NCKAP1: variants seen among roughly 807,000 people sequenced by gnomAD.
NCKAP1 encodes nck-associated protein 1.
NCKAP1 carries 21 observed loss-of-function variants against 151.2 expected under a neutral mutation model. The observed-to-expected ratio is 0.14, with a 90% CI of 0.10 to 0.20. The LOEUF is 0.20. Among genes scored for constraint, NCKAP1 ranks in the 10% least tolerant of loss-of-function variants. NCKAP1 has a pLI of 1.00. For synonymous variants in NCKAP1, 484 were observed against 451.8 expected (o/e 1.07, Z -0.90); for missense variants, 933 against 1,352.1 (o/e 0.69, Z 4.86).
chr2:183,028,769 T>C (rs12622289), intron 1 of NCKAP1, among the ~76,000 whole-genome samples: 2,461 of 152,290 alleles, frequency 0.016, 56 homozygotes, highest in African/African-American at 0.043. Flanking sequence ...CTTCTTTATA[T>C]ACATGGATAC....
At chr2:182,972,232 AAAAAAAAAAAAAAC>A (rs1394030001) in intron 15 of NCKAP1, among the ~76,000 whole-genome samples, 1 of 150,694 alleles carries the variant, frequency 6.6e-6, no homozygotes, top group Non-Finnish European at 1.5e-5. Flanking sequence ...AGCAAAAAAA[AAAAAAAAAAAAAAC>A]AAAACTGATT....
intron 2 of NCKAP1, among the ~76,000 whole-genome samples, chr2:183,007,973 C>G (rs1211802754): frequency 6.6e-6 from 1 of 152,168 alleles, no homozygotes; most frequent in Non-Finnish European, 1.5e-5. Flanking sequence ...GTTGCCCAGG[C>G]TGGAGTGCAA....
chr2:182,934,858 C>T (rs1179653853), intron 25 of NCKAP1, 26 bp from the exon 26 acceptor site: 1 of 1,130,722 alleles, frequency 8.8e-7, no homozygotes, highest in African/African-American at 1.5e-5. Context: ...AATAAGAATA[C>T]AGAATTATTT....
intron 20 of NCKAP1, among the ~76,000 whole-genome samples, chr2:182,956,233 G>T (rs1010116994): frequency 6.6e-6 from 1 of 152,084 alleles, no homozygotes; most frequent in African/African-American, 2.4e-5. Context: ...GTAGAGACGG[G>T]GTTTCACTGT....
intron 29 of NCKAP1, among the ~76,000 whole-genome samples, chr2:182,927,434 T>G (rs539672289): frequency 1.4e-4 from 22 of 152,188 alleles, no homozygotes; most frequent in African/African-American, 4.8e-4. Flanking sequence ...TAAAAATTAT[T>G]TTTTAAAAAA....
chr2:182,960,935 C>T (rs955023043), intron 18 of NCKAP1, among the ~76,000 whole-genome samples: 1 of 152,198 alleles, frequency 6.6e-6, no homozygotes, highest in African/African-American at 2.4e-5. Context: ...TAAACAGACA[C>T]TTCTCAGAAG....
intron 26 of NCKAP1, among the ~76,000 whole-genome samples, chr2:182,931,781 A>G (rs898390266): frequency 2.6e-5 from 4 of 152,152 alleles, no homozygotes; most frequent in African/African-American, 9.6e-5. Context: ...AGAACTCACA[A>G]ATAGAAAAAG....
rs1696625847 is a variant in NCKAP1 at position 182,925,527 on chromosome 2, C to T, written c.*175G>A. The T allele has an allele frequency of 2.7e-6, 1 of 376,166 alleles. No individual in the cohort carries two copies. The highest frequency in any genetic ancestry group is 2.1e-5 in the African/African-American group (1 of 47,528). 23.3% of individuals were successfully genotyped at this position (376,166 alleles called of 1,614,324 possible). The stretch of plus-strand genomic sequence containing the variant: ...TCAGTGAATGTGCAACCTAAATCAA[C>T]CAAGTATACTGTAGTACAACCATAT... On this transcript the variant is annotated 3_prime_UTR_variant, in exon 31 of 31. Coordinates refer to ENST00000361354, the MANE Select transcript of NCKAP1 (RefSeq NM_013436.5).
At chr2:182,998,834 C>CAAAAAAAAAAAAAAAAAAA (rs1160835228) in intron 6 of NCKAP1, among the ~76,000 whole-genome samples, 1 of 44,512 alleles carries the variant, frequency 2.2e-5, no homozygotes, top group Admixed American at 2.6e-4. Context: ...AAGACTCCAA[C>CAAAAAAAAAAAAAAAAAAA]AAAAAAAAAA....
At position 182,925,832 on chromosome 2, in the gene NCKAP1, A is replaced by G. The variant is rs543877816; in HGVS notation, c.3271-14T>C. The G allele has an allele frequency of 7.2e-7, 1 of 1,380,712 alleles. No homozygotes were observed. Among genetic ancestry groups the G allele is most frequent in the Non-Finnish European group, 9.9e-7 (1 of 1,014,318 alleles). 85.5% of individuals were successfully genotyped at this position (1,380,712 alleles called of 1,614,324 possible). A position where few individuals can be genotyped will look rare whatever the true frequency, so the allele number is the denominator to read the frequency against. On this transcript the variant is annotated splice_polypyrimidine_tract_variant and intron_variant, in intron 30 of 30. Coordinates refer to ENST00000361354, the MANE Select transcript of NCKAP1 (RefSeq NM_013436.5). The stretch of plus-strand genomic sequence containing the variant: ...TTCTTGTACAATCTGTAAAATTCAA[A>G]AAATCCATCAAAACAAGTTATTTAT...
At chr2:182,930,842 A>G in intron 26 of NCKAP1, 54 bp from the exon 27 acceptor site, 2 of 1,478,094 alleles carry the variant, frequency 1.4e-6, no homozygotes, top group Non-Finnish European at 1.9e-6. Flanking sequence ...AATTTCTGAG[A>G]AAGCTCACTG....
rs115194892 is a variant in NCKAP1 at position 182,941,946 on chromosome 2, T to G, written c.2695+124A>C. On this transcript the variant is annotated intron_variant, in intron 24 of 30. Coordinates refer to ENST00000361354, the MANE Select transcript of NCKAP1 (RefSeq NM_013436.5). ...GACTGCAAAAATGTTCTAGTTCTCT[T>G]CATAAGCTAAAGAGTACTTTTCATA... 1,573 of 706,000 alleles carry G rather than the reference T, an allele frequency of 2.2e-3. 12 individuals are homozygous for G. In the African/African-American group the frequency reaches 0.022, roughly 10 times the overall value. The allele number at this position is 706,000 out of a possible 1,614,324, so 43.7% of individuals were successfully genotyped here. A position where few individuals can be genotyped will look rare whatever the true frequency, so the allele number is the denominator to read the frequency against.
Position 182,981,350 on chromosome 2 carries a change from A to G in NCKAP1, c.1235T>C (p.Met412Thr), listed in dbSNP as rs949018129. 1 of 1,612,388 alleles carries G rather than the reference A, an allele frequency of 6.2e-7. No individual in the cohort carries two copies. The highest frequency in any genetic ancestry group is 8.5e-7 in the Non-Finnish European group (1 of 1,178,698). Residue 412 changes from methionine to threonine, a missense_variant, in exon 13 of 31, where the codon ATG becomes ACG. Met to Thr is a moderately conservative substitution (Grantham distance 81). Transcript: ENST00000361354. Reference sequence around the variant, plus strand: ...CCTCACATGTGCTCTAAGTTCTTCCATGTAAAATATTAATTCAGCAATGTG... The same window carrying G: ...CCTCACATGTGCTCTAAGTTCTTCCGTGTAAAATATTAATTCAGCAATGTG... ...DKHIAELIFY[M>T]EELRAHVRKY... is the part of the protein sequence containing the mutation.
At chr2:182,973,456 A>G (rs963762733) in intron 15 of NCKAP1, among the ~76,000 whole-genome samples, 2 of 152,186 alleles carry the variant, frequency 1.3e-5, no homozygotes, top group African/African-American at 4.8e-5. Context: ...AGGAAGTAGA[A>G]AAGAATGACA....
At chr2:182,971,045 C>G (rs1260458399) in intron 15 of NCKAP1, among the ~76,000 whole-genome samples, 1 of 151,984 alleles carries the variant, frequency 6.6e-6, no homozygotes, top group Non-Finnish European at 1.5e-5. Context: ...AGTGAAAGAT[C>G]TCTACAATGA....
At chr2:182,941,443 T>A (rs907076561) in intron 24 of NCKAP1, among the ~76,000 whole-genome samples, 3 of 152,300 alleles carry the variant, frequency 2.0e-5, no homozygotes, top group African/African-American at 7.2e-5. Flanking sequence ...CTTAACAACA[T>A]GGATGAATAA....
At chr2:183,002,576 G>A (rs1698394471) in intron 4 of NCKAP1, among the ~76,000 whole-genome samples, 1 of 151,582 alleles carries the variant, frequency 6.6e-6, no homozygotes, top group Non-Finnish European at 1.5e-5. Context: ...TCACGAAAGA[G>A]GAAAAAAATT....
At chr2:182,947,768 A>C (rs1697136871) in intron 23 of NCKAP1, among the ~76,000 whole-genome samples, 1 of 152,178 alleles carries the variant, frequency 6.6e-6, no homozygotes, top group African/African-American at 2.4e-5. Flanking sequence ...TAGAATCATC[A>C]CTGACAGAAT....
In NCKAP1 at chr2:182,911,580, A is replaced by G. The variant is rs1404591192; in HGVS notation, c.*14122T>C. On this transcript the variant is annotated 3_prime_UTR_variant, in exon 31 of 31. Transcript: ENST00000361354. ...AAAATTCTGTTACTTCAAATGTTAA[A>G]TATTTCAGTCATCTATGAATGGCCA... The G allele has an allele frequency of 3.3e-5, 5 of 152,264 alleles. No individual in the cohort carries two copies. The highest frequency in any genetic ancestry group is 2.0e-4 in the Admixed American group (3 of 15,286). 9.4% of individuals were successfully genotyped at this position (152,264 alleles called of 1,614,324 possible). A position where few individuals can be genotyped will look rare whatever the true frequency, so the allele number is the denominator to read the frequency against.
Sources: allele counts gnomAD v4.1 joint callset (sites outside exome capture counted in the v4.1 genomes callset), GRCh38; gene constraint gnomAD v4.1.1; transcripts MANE v1.5; gene names NCBI Gene and HGNC (gene_info 2026-07-23, HGNC 2026-07-21).